EPS15: variants seen among roughly 807,000 people sequenced by gnomAD.
EPS15 encodes epidermal growth factor receptor pathway substrate 15.
In EPS15, 72 loss-of-function variants were observed where a neutral mutation model predicts 113.8. The ratio of observed to expected loss-of-function variants is 0.63; its 90% confidence interval spans 0.52 to 0.77. The LOEUF is 0.77. Among genes scored for constraint, EPS15 ranks in the 30% least tolerant of loss-of-function variants. EPS15 has a pLI of 0.00. For missense variants in EPS15, 1,048 were observed against 1,045.8 expected (o/e 1.00, Z -0.03); for synonymous variants, 344 against 363.4 (o/e 0.95, Z 0.61).
intron 21 of EPS15, among the ~76,000 whole-genome samples, chr1:51,376,642 C>T (rs1157229100): frequency 1.3e-5 from 2 of 152,100 alleles, no homozygotes; most frequent in Non-Finnish European, 2.9e-5. Flanking sequence ...CCAGCCTGGG[C>T]AACAGAGGGA....
chr1:51,404,335 G>A (rs553363137), intron 16 of EPS15, among the ~76,000 whole-genome samples: 62 of 149,844 alleles, frequency 4.1e-4, no homozygotes, highest in Middle Eastern at 7.0e-3. Flanking sequence ...CTGAGATTGC[G>A]CCACTGCACT....
At chr1:51,362,204 C>G (rs994331691) in intron 23 of EPS15, among the ~76,000 whole-genome samples, 2 of 152,144 alleles carry the variant, frequency 1.3e-5, no homozygotes, top group African/African-American at 4.8e-5. Context: ...AAAAGATGCT[C>G]ATATCTCAAT....
intron 15 of EPS15, among the ~76,000 whole-genome samples, chr1:51,407,726 G>T (rs766654360): frequency 5.3e-5 from 8 of 152,202 alleles, no homozygotes; most frequent in Non-Finnish European, 1.0e-4. Flanking sequence ...CACTTATGGA[G>T]CATTTATGTA....
chr1:51,440,592 AT>A (rs1390734074), intron 11 of EPS15, among the ~76,000 whole-genome samples, 160 bp from the exon 12 acceptor site: 2 of 152,122 alleles, frequency 1.3e-5, no homozygotes, highest in Admixed American at 6.5e-5. Context: ...ACAATTATAT[AT>A]AATTTTATAC....
At chr1:51,413,091 G>A (rs890434307) in intron 13 of EPS15, among the ~76,000 whole-genome samples, 1 of 152,082 alleles carries the variant, frequency 6.6e-6, no homozygotes, top group South Asian at 2.1e-4. Flanking sequence ...CCCAGCCTCA[G>A]AAGACCCTAT....
At chr1:51,508,263 AG>A (rs1297554602) in intron 1 of EPS15, among the ~76,000 whole-genome samples, 16 of 136,128 alleles carry the variant, frequency 1.2e-4, no homozygotes, top group South Asian at 6.6e-4. Flanking sequence ...AGAGAGAGAG[AG>A]AGAGAGAGAA....
chr1:51,507,906 G>A (rs1464480886), intron 1 of EPS15, among the ~76,000 whole-genome samples: 1 of 151,450 alleles, frequency 6.6e-6, no homozygotes, highest in Admixed American at 6.6e-5. Flanking sequence ...GGCCCAACGC[G>A]GTGGCTCACG....
intron 12 of EPS15, among the ~76,000 whole-genome samples, chr1:51,426,309 C>T (rs1210374268): frequency 2.0e-5 from 3 of 150,628 alleles, no homozygotes; most frequent in Non-Finnish European, 4.4e-5. Context: ...CTGGTCGAAG[C>T]TTAGCCAAAG....
chr1:51,359,713 G>T (rs553021306), intron 24 of EPS15, among the ~76,000 whole-genome samples: 221 of 150,710 alleles, frequency 1.5e-3, no homozygotes, highest in African/African-American at 3.3e-3. Flanking sequence ...AGCCAAGATC[G>T]CGCCTCCAGC....
chr1:51,493,649 C>T (rs1644280531), intron 1 of EPS15, among the ~76,000 whole-genome samples: 1 of 151,318 alleles, frequency 6.6e-6, no homozygotes, highest in Admixed American at 6.6e-5. Context: ...GACAGAGTCT[C>T]CCTCTGTCGC....
intron 7 of EPS15, 189 bp downstream of exon 7, chr1:51,463,484 G>T: frequency 2.2e-6 from 1 of 445,926 alleles, no homozygotes; most frequent in Non-Finnish European, 3.9e-6. Context: ...TTTTTACAGG[G>T]AATAACCAAA....
intron 24 of EPS15, among the ~76,000 whole-genome samples, chr1:51,360,034 A>C (rs1177849593): frequency 6.6e-6 from 1 of 151,940 alleles, no homozygotes; most frequent in East Asian, 1.9e-4. Context: ...TGCTTAAAGC[A>C]CTTTGGCCTC....
At chr1:51,446,571 A>C (rs901301440) in intron 10 of EPS15, among the ~76,000 whole-genome samples, 2 of 150,238 alleles carry the variant, frequency 1.3e-5, no homozygotes, top group Admixed American at 6.7e-5. Context: ...CTCCTGCCTC[A>C]CCCTCCCGAG....
Position 51,387,581 on chromosome 1 carries a change from C to T in EPS15, c.2119+6800G>A, listed in dbSNP as rs1475285477. On this transcript the variant is annotated intron_variant, in intron 21 of 24. Coordinates refer to ENST00000371733, the MANE Select transcript of EPS15 (RefSeq NM_001981.3). The stretch of plus-strand genomic sequence containing the variant: ...TGCTGTATTCAGGAAACCCATCTCA[C>T]GTGCAGAGACACACATAGGCTCAAA... Among the ~76,000 whole-genome samples, 37 of 152,198 alleles carry T rather than the reference C, an allele frequency of 2.4e-4. 1 individual carries two copies. Among genetic ancestry groups the T allele is most frequent in the Admixed American group, 2.6e-4 (4 of 15,294 alleles).
intron 12 of EPS15, among the ~76,000 whole-genome samples, chr1:51,430,379 G>A (rs1041350226): frequency 2.0e-5 from 3 of 151,874 alleles, no homozygotes; most frequent in Non-Finnish European, 4.4e-5. Flanking sequence ...GACAAGCCTG[G>A]CCAACTCGCT....
chr1:51,360,338 G>A (rs1349692002), intron 24 of EPS15, among the ~76,000 whole-genome samples: 1 of 152,114 alleles, frequency 6.6e-6, no homozygotes, highest in African/African-American at 2.4e-5. Context: ...TTTGTTACCC[G>A]GTCTAAGAAT....
chr1:51,358,478 C>T (rs985817757), intron 24 of EPS15, among the ~76,000 whole-genome samples: 2 of 152,042 alleles, frequency 1.3e-5, no homozygotes, highest in African/African-American at 4.8e-5. Flanking sequence ...CATAGAAAAT[C>T]CTTCATGAAA....
intron 1 of EPS15, among the ~76,000 whole-genome samples, chr1:51,507,776 C>T (rs1375570817): frequency 1.3e-5 from 2 of 151,442 alleles, no homozygotes; most frequent in Non-Finnish European, 2.9e-5. Flanking sequence ...AAAAAAGAAA[C>T]GATGTAAAAG....
At chr1:51,424,023 G>C (rs1193915726) in intron 12 of EPS15, among the ~76,000 whole-genome samples, 1 of 151,996 alleles carries the variant, frequency 6.6e-6, no homozygotes, top group African/African-American at 2.4e-5. Flanking sequence ...GAGATCTTTA[G>C]GCATTAATTC....
Sources: allele counts gnomAD v4.1 joint callset (sites outside exome capture counted in the v4.1 genomes callset), GRCh38; gene constraint gnomAD v4.1.1; transcripts MANE v1.5; gene names NCBI Gene and HGNC (gene_info 2026-07-23, HGNC 2026-07-21).